MYT1L: variants seen among roughly 807,000 people sequenced by gnomAD.
The protein encoded by MYT1L is myelin transcription factor 1 like.
In MYT1L, 12 loss-of-function variants were observed where a neutral mutation model predicts 126.7. That is an observed-to-expected ratio of 0.09 (90% CI 0.06 to 0.15). The LOEUF (loss-of-function observed/expected upper bound fraction) is 0.15. Among genes scored for constraint, MYT1L ranks in the 10% least tolerant of loss-of-function variants. The pLI, the probability that MYT1L is intolerant of heterozygous loss-of-function variation, is 1.00. For synonymous variants in MYT1L, 541 were observed against 604.2 expected (o/e 0.90, Z 1.53); for missense variants, 979 against 1,585.2 (o/e 0.62, Z 6.49).
rs1009378168 is a variant in MYT1L, at chr2:1,889,542, T to G, written c.2284-65A>C. ...ATCTTGTGACACCACGAGTCCTTCCTCCCAGATTACAGTCCTGCCGTCAGC... is the reference window on the plus strand; with the variant it reads ...ATCTTGTGACACCACGAGTCCTTCCGCCCAGATTACAGTCCTGCCGTCAGC... On this transcript the variant is annotated intron_variant, in intron 15 of 24. Transcript: ENST00000647738. This position sits in a 1 kb window ranked among gnomAD's most constrained non-coding sequence, Gnocchi z 4.1. The G allele has an allele frequency of 1.5e-6, 2 of 1,316,122 alleles. No individual in the cohort carries two copies. Among genetic ancestry groups the G allele is most frequent in the East Asian group, 4.7e-5 (2 of 42,680 alleles). 81.5% of individuals were successfully genotyped at this position (1,316,122 alleles called of 1,614,324 possible).
intron 5 of MYT1L, among the ~76,000 whole-genome samples, chr2:1,988,147 G>A (rs1038111922): frequency 4.0e-5 from 6 of 151,822 alleles, no homozygotes; most frequent in Non-Finnish European, 5.9e-5. Context: ...GGGTAGAAAC[G>A]GTGCCACATT....
At chr2:1,993,474 AC>A (rs1237740247) in intron 5 of MYT1L, among the ~76,000 whole-genome samples, 54 of 152,044 alleles carry the variant, frequency 3.6e-4, no homozygotes, top group African/African-American at 1.3e-3. Flanking sequence ...GCTATTTTTC[AC>A]TTAAAAAAAA....
At chr2:1,859,770 G>A (rs964720660) in intron 18 of MYT1L, among the ~76,000 whole-genome samples, 17 of 152,322 alleles carry the variant, frequency 1.1e-4, no homozygotes, top group Non-Finnish European at 2.1e-4. Context: ...CCATCCAGCC[G>A]CCCTGCCCCC....
At chr2:2,242,505 T>G (rs2094458578) in intron 2 of MYT1L, among the ~76,000 whole-genome samples, 2 of 152,214 alleles carry the variant, frequency 1.3e-5, no homozygotes, top group African/African-American at 4.8e-5. Context: ...ATGAAGACAG[T>G]GCCTGGCACA....
chr2:2,224,823 GAAA>G lies in MYT1L; in HGVS notation c.-420-51838_-420-51836del, dbSNP rs5828864. On this transcript the variant is annotated intron_variant, in intron 2 of 24. Transcript: ENST00000647738. The surrounding 1 kb of genome is among the most constrained non-coding windows in gnomAD (Gnocchi z 4.0). ...AACAGAGCAAGACTCCGTCTCAAAA[GAAA>G]AAAAAAAAAAGGAAAATAAATGTTT... Among the ~76,000 whole-genome samples, 2 of 146,286 alleles carry G rather than the reference GAAA, an allele frequency of 1.4e-5. No homozygotes were observed. The highest frequency in any genetic ancestry group is 2.5e-5 in the African/African-American group (1 of 40,094).
At chr2:2,154,645 T>C (rs951578861) in intron 3 of MYT1L, among the ~76,000 whole-genome samples, 2 of 151,932 alleles carry the variant, frequency 1.3e-5, no homozygotes, top group African/African-American at 2.4e-5. Context: ...CATGAACACA[T>C]AGAGAGGAAC....
chr2:2,323,991 A>T (rs965280577), intron 1 of MYT1L: 1 of 152,224 alleles, frequency 6.6e-6, no homozygotes, highest in Non-Finnish European at 1.5e-5. Flanking sequence ...AAAAACAGTC[A>T]TCTCTAAACA....
At chr2:1,797,605 A>AT (rs1406645625) in intron 23 of MYT1L, among the ~76,000 whole-genome samples, 1 of 152,184 alleles carries the variant, frequency 6.6e-6, no homozygotes, top group Non-Finnish European at 1.5e-5. Flanking sequence ...ATAAGAATGG[A>AT]TTTTTCAGCC....
At chr2:2,140,495 C>G (rs1344826629) in intron 3 of MYT1L, among the ~76,000 whole-genome samples, 7 of 140,974 alleles carry the variant, frequency 5.0e-5, no homozygotes, top group African/African-American at 1.9e-4. Context: ...AGTGCAGTGG[C>G]ACGATCCTGG....
At chr2:1,981,812 GAAGA>G (rs2060632894) in intron 5 of MYT1L, among the ~76,000 whole-genome samples, 2 of 152,212 alleles carry the variant, frequency 1.3e-5, no homozygotes, top group Admixed American at 6.5e-5. Flanking sequence ...AGTCGCCTAA[GAAGA>G]AAGGGCTTGG....
At chr2:2,159,608 G>A (rs767558534) in intron 3 of MYT1L, among the ~76,000 whole-genome samples, 32 of 152,064 alleles carry the variant, frequency 2.1e-4, no homozygotes, top group Non-Finnish European at 3.4e-4. Context: ...GGAGGTGGCC[G>A]ATGCCAGCCT....
intron 2 of MYT1L, among the ~76,000 whole-genome samples, chr2:2,262,136 G>C (rs1029384084): frequency 1.3e-5 from 2 of 152,098 alleles, no homozygotes; most frequent in Non-Finnish European, 2.9e-5. Flanking sequence ...AGCTAGAATA[G>C]TGTCTGACAC....
intron 3 of MYT1L, among the ~76,000 whole-genome samples, chr2:2,122,403 C>T (rs1320352719): frequency 6.6e-6 from 1 of 152,148 alleles, no homozygotes; most frequent in African/African-American, 2.4e-5. Flanking sequence ...CGGAAGCACC[C>T]AGGGCATCAG....
At chr2:1,934,141 AT>A (rs1170523153) in intron 9 of MYT1L, among the ~76,000 whole-genome samples, 1 of 150,814 alleles carries the variant, frequency 6.6e-6, no homozygotes, top group African/African-American at 2.4e-5. Context: ...CGCCTGGCTA[AT>A]TTTTTGTATT....
chr2:2,236,985 T>C (rs911990358), intron 2 of MYT1L, among the ~76,000 whole-genome samples: 1 of 152,042 alleles, frequency 6.6e-6, no homozygotes, highest in Non-Finnish European at 1.5e-5. Context: ...AGCTAATTTA[T>C]GTACTATTAG....
At chr2:2,151,704 A>G (rs2085820023) in intron 3 of MYT1L, among the ~76,000 whole-genome samples, 1 of 152,212 alleles carries the variant, frequency 6.6e-6, no homozygotes, top group Non-Finnish European at 1.5e-5. Context: ...TAATTTATAA[A>G]TTAGGCACAG....
rs1363326827 is a variant in MYT1L, at chr2:2,279,564, TGAATGAAGGAAGGAAG to T, written c.-421+4824_-421+4839del. Among the ~76,000 whole-genome samples, 369 of 121,678 alleles carry T rather than the reference TGAATGAAGGAAGGAAG, an allele frequency of 3.0e-3. 1 individual carries two copies. Among genetic ancestry groups the T allele is most frequent in the African/African-American group, 0.011 (362 of 33,036 alleles). 79.8% of individuals were successfully genotyped at this position (121,678 alleles called of 152,430 possible). A position where few individuals can be genotyped will look rare whatever the true frequency, so the allele number is the denominator to read the frequency against. On this transcript the variant is annotated intron_variant, in intron 2 of 24. Transcript: ENST00000647738. ...GAGAGAGAAAGAGAGAAGGAATGAA[TGAATGAAGGAAGGAAG>T]GAAGGAAGGAAGGAAGGAAGGAAGG... is the stretch of plus-strand genomic sequence containing the variant.
At chr2:1,928,012 G>A (rs1434864790) in intron 9 of MYT1L, among the ~76,000 whole-genome samples, 2 of 152,074 alleles carry the variant, frequency 1.3e-5, no homozygotes, top group African/African-American at 2.4e-5. Flanking sequence ...GGAGTGCAGT[G>A]GCACAATCAC....
chr2:2,041,542 A>G (rs2067537296), intron 4 of MYT1L, among the ~76,000 whole-genome samples: 1 of 152,220 alleles, frequency 6.6e-6, no homozygotes, highest in African/African-American at 2.4e-5. Flanking sequence ...AAATGACCAA[A>G]CATCAGAAAA....
Sources: allele counts gnomAD v4.1 joint callset (sites outside exome capture counted in the v4.1 genomes callset), GRCh38; gene constraint gnomAD v4.1.1; non-coding constraint Gnocchi (gnomAD v3.1); transcripts MANE v1.5; gene names NCBI Gene and HGNC (gene_info 2026-07-23, HGNC 2026-07-21).